The following CCNB1 variants were observed in gnomAD, a reference collection of about 807,000 sequenced individuals.
The protein encoded by CCNB1 is G2/mitotic-specific cyclin-B1.
CCNB1 carries 26 observed loss-of-function variants against 44.4 expected under a neutral mutation model. That is an observed-to-expected ratio of 0.59 (90% CI 0.43 to 0.81). The LOEUF (loss-of-function observed/expected upper bound fraction) is 0.81. Among genes scored for constraint, CCNB1 ranks in the 40% least tolerant of loss-of-function variants. The pLI is 0.00. For synonymous variants in CCNB1, 195 were observed against 181.4 expected (o/e 1.08, Z -0.60); for missense variants, 477 against 520.9 (o/e 0.92, Z 0.82).
At position 69,168,042 on chromosome 5, in the gene CCNB1, C is replaced by T. The variant is rs753152559; in HGVS notation, c.156C>T (p.Val52=). 6.4e-5 allele frequency: 103 copies of T among 1,613,994 alleles called. No homozygotes were observed. Among genetic ancestry groups the T allele is most frequent in the Non-Finnish European group, 8.6e-5 (102 of 1,180,030 alleles). ...CTCTTGGGGACATTGGTAACAAAGT[C>T]AGTGAACAACTGCAGGCCAAAATGC... ...RTALGDIGNK[V]SEQLQAKMPM... The change falls in exon 2 of 9, where the codon GTC becomes GTT. Residue 52 remains valine, a synonymous_variant. Transcript: ENST00000256442.
intron 3 of CCNB1, among the ~76,000 whole-genome samples, chr5:69,170,615 C>A (rs1227782824): frequency 4.6e-5 from 7 of 151,600 alleles, no homozygotes; most frequent in African/African-American, 1.7e-4. Context: ...TATTTGCTTC[C>A]AACTTTAAAC....
intron 4 of CCNB1, among the ~76,000 whole-genome samples, chr5:69,171,716 T>C (rs540721481): frequency 6.6e-6 from 1 of 152,290 alleles, no homozygotes; most frequent in South Asian, 2.1e-4. Flanking sequence ...TTGAATTTGA[T>C]ATGTATATAT....
chr5:69,167,182 GC>G lies in CCNB1; in HGVS notation c.-80del. The G allele has an allele frequency of 8.0e-7, 1 of 1,251,416 alleles. No homozygotes were observed. Among genetic ancestry groups the G allele is most frequent in the Non-Finnish European group, 1.1e-6 (1 of 911,618 alleles). 77.5% of individuals were successfully genotyped at this position (1,251,416 alleles called of 1,614,324 possible). On this transcript the variant is annotated 5_prime_UTR_variant, in exon 1 of 9. Coordinates refer to ENST00000256442, the MANE Select transcript of CCNB1 (RefSeq NM_031966.4). The stretch of plus-strand genomic sequence containing the variant: ...TGCGGCGGAACGGCTGTTGGTTTCT[GC>G]TGGGTGTAGGTCCTTGGCTGGTCGG...
rs1254532138 is a variant in CCNB1 at position 69,167,965 on chromosome 5, G to A, written c.79G>A (p.Val27Ile). ...AKINMAGAKR[V>I]PTAPAATSKP... ...GATCAACATGGCAGGCGCAAAGCGCGTTCCTACGGCCCCTGCTGCAACCTC... is the reference window on the plus strand; with the variant it reads ...GATCAACATGGCAGGCGCAAAGCGCATTCCTACGGCCCCTGCTGCAACCTC... The change falls in exon 2 of 9, where the codon GTT (valine) becomes ATT (isoleucine). Residue 27 changes from valine (V) to isoleucine (I), a missense_variant. Physicochemically the swap from Val to Ile is conservative, Grantham distance 29. Transcript: ENST00000256442. The A allele has an allele frequency of 6.2e-7, 1 of 1,614,046 alleles. No homozygotes were observed.
chr5:69,167,467 G>A (rs775263955), intron 1 of CCNB1, 184 bp downstream of exon 1: 1 of 603,716 alleles, frequency 1.7e-6, no homozygotes, highest in Admixed American at 3.0e-5. Context: ...TGTGGGGGAC[G>A]ATGGATGGAG....
intron 3 of CCNB1, among the ~76,000 whole-genome samples, chr5:69,170,174 A>C (rs978374658): frequency 7.2e-6 from 1 of 138,864 alleles, no homozygotes; most frequent in Admixed American, 7.3e-5. Context: ...GTAGAGATGG[A>C]GTTTCACGAT....
intron 1 of CCNB1, chr5:69,167,484 A>ATCTC: frequency 1.7e-6 from 1 of 585,460 alleles, no homozygotes; most frequent in Non-Finnish European, 3.0e-6. Context: ...GGAGGGAGGA[A>ATCTC]GGTGAGAAAG....
At position 69,178,086 on chromosome 5, in the gene CCNB1, C is replaced by G. The variant is rs931881988; in HGVS notation, c.*455C>G. 3 of 152,660 alleles carry G rather than the reference C, an allele frequency of 2.0e-5. No individual in the cohort carries two copies. The highest frequency in any genetic ancestry group is 7.2e-5 in the African/African-American group (3 of 41,448). 9.5% of individuals were successfully genotyped at this position (152,660 alleles called of 1,614,324 possible). ...TGTTTTCTGTTTCTTCTTGTGATTG[C>G]TGCCATAATTCTAAGTTATTTACTT... On this transcript the variant is annotated 3_prime_UTR_variant, in exon 9 of 9. Transcript: ENST00000256442.
chr5:69,171,406 G>A lies in CCNB1; in HGVS notation c.500G>A (p.Cys167Tyr). The part of the protein sequence containing the change: ...DAEDGADPNL[C>Y]SEYVKDIYAY... ...GAAGATGGAGCTGATCCAAACCTTT[G>A]TAGTGAATATGTGAAAGATATTTAT... is the stretch of plus-strand genomic sequence containing the variant. Residue 167 changes from cysteine (C) to tyrosine (Y), a missense_variant, in exon 4 of 9, where the codon TGT becomes TAT. Transcript: ENST00000256442. 3 of 1,612,574 alleles carry A rather than the reference G, an allele frequency of 1.9e-6. No individual in the cohort carries two copies. Among genetic ancestry groups the A allele is most frequent in the African/African-American group, 1.3e-5 (1 of 74,948 alleles).
rs1361802902 is a variant in CCNB1 at position 69,168,232 on chromosome 5, A to G, written c.252A>G (p.Glu84=). Residue 84 remains glutamate, a synonymous_variant, in exon 3 of 9, where the codon GAA becomes GAG. Coordinates refer to ENST00000256442, the MANE Select transcript of CCNB1 (RefSeq NM_031966.4). ...ATAAAAAACTACCAAAACCTCTTGA[A>G]AAGGTACCTATGCTGGTGCCAGTGC... ...VIDKKLPKPL[E]KVPMLVPVPV... 6.2e-7 allele frequency: 1 copy of G among 1,614,204 alleles called. No homozygotes were observed.
In CCNB1 at chr5:69,168,166, T is replaced by G; in HGVS notation, c.193-7T>G. ...GAAACATTTCATTCTCTCTGTTTCA[T>G]CTACAGGAAGCAAAACCTTCAGCTA... On this transcript the variant is annotated splice_polypyrimidine_tract_variant and splice_region_variant and intron_variant, in intron 2 of 8. Coordinates refer to ENST00000256442, the MANE Select transcript of CCNB1 (RefSeq NM_031966.4). 1 of 1,613,886 alleles carries G rather than the reference T, an allele frequency of 6.2e-7. No individual in the cohort carries two copies. The highest frequency in any genetic ancestry group is 2.2e-5 in the East Asian group (1 of 44,884).
chr5:69,171,185 G>T (rs1250926526), intron 3 of CCNB1, 85 bp from the exon 4 acceptor site: 7 of 892,708 alleles, frequency 7.8e-6, no homozygotes, highest in Non-Finnish European at 1.0e-5. Flanking sequence ...ATACTAGCTT[G>T]AGTTGGTACC....
At chr5:69,170,495 A>G (rs1747436405) in intron 3 of CCNB1, among the ~76,000 whole-genome samples, 1 of 152,228 alleles carries the variant, frequency 6.6e-6, no homozygotes, top group East Asian at 1.9e-4. Flanking sequence ...TTATATTATG[A>G]AATAAAGACT....
At chr5:69,174,573 C>A (rs1747537715) in intron 5 of CCNB1, among the ~76,000 whole-genome samples, 164 bp downstream of exon 5, 1 of 152,104 alleles carries the variant, frequency 6.6e-6, no homozygotes, top group Non-Finnish European at 1.5e-5. Flanking sequence ...CGCAGTAAAA[C>A]CCTGTCTCTA....
intron 7 of CCNB1, chr5:69,177,001 A>G: frequency 2.9e-6 from 1 of 341,908 alleles, no homozygotes; most frequent in Non-Finnish European, 5.3e-6. Context: ...GTTGGCCTCA[A>G]GGAAGTGGAG....
chr5:69,173,446 G>C (rs1747507750), intron 4 of CCNB1, among the ~76,000 whole-genome samples: 1 of 152,156 alleles, frequency 6.6e-6, no homozygotes, highest in Non-Finnish European at 1.5e-5. Flanking sequence ...AAAGTGAATA[G>C]GCAGAAGTCA....
intron 4 of CCNB1, among the ~76,000 whole-genome samples, chr5:69,173,874 A>G (rs946116269): frequency 3.3e-5 from 5 of 152,002 alleles, no homozygotes; most frequent in African/African-American, 9.7e-5. Context: ...GGTTCAAGCA[A>G]TTCTCCTGCC....
Position 69,173,125 on chromosome 5 carries a change from A to G in CCNB1, c.547-1126A>G, listed in dbSNP as rs746516329. On this transcript the variant is annotated intron_variant, in intron 4 of 8. Transcript: ENST00000256442. ...GTTCTTGTTCTGTGCAAGGCCATTT[A>G]TGCAAAGCAACCCCTCAAGTGGCAG... 7.2e-5 allele frequency among the ~76,000 whole-genome samples: 11 copies of G among 152,248 alleles called. No individual in the cohort carries two copies. In the Middle Eastern group the frequency reaches 0.014, roughly 188 times the overall value.
chr5:69,177,752 C>G lies in CCNB1; in HGVS notation c.*121C>G. 1 of 629,474 alleles carries G rather than the reference C, an allele frequency of 1.6e-6. No individual in the cohort carries two copies. The highest frequency in any genetic ancestry group is 2.1e-5 in the South Asian group (1 of 47,906). 39.0% of individuals were successfully genotyped at this position (629,474 alleles called of 1,614,324 possible). A position where few individuals can be genotyped will look rare whatever the true frequency, so the allele number is the denominator to read the frequency against. ...TGTGGCCCCTTTTACTTTTTTATAG[C>G]TTAACTAATTTGAATGTGGTTACTT... is the stretch of plus-strand genomic sequence containing the variant. On this transcript the variant is annotated 3_prime_UTR_variant, in exon 9 of 9. Transcript: ENST00000256442.
Sources: gnomAD v4.1 joint callset for allele counts (sites outside exome capture counted in the v4.1 genomes callset) on GRCh38, gnomAD v4.1.1 for gene constraint, MANE v1.5 for transcripts, NCBI Gene and HGNC (gene_info 2026-07-23, HGNC 2026-07-21) for gene names.